The following MBNL1 variants were observed in gnomAD, a reference collection of about 807,000 sequenced individuals.
MBNL1 encodes the protein muscleblind-like protein 1.
Under a neutral mutation model 42.2 loss-of-function variants are expected in MBNL1, and 8 were observed. The ratio of observed to expected loss-of-function variants is 0.19; its 90% CI spans 0.11 to 0.34. MBNL1 has a LOEUF of 0.34. Ranked by LOEUF, MBNL1 falls within the 10% of genes least tolerant of loss-of-function variation. The probability of loss-of-function intolerance (pLI) is 1.00; values close to 1 mark genes in which losing one functional copy is unlikely to be tolerated. For synonymous variants in MBNL1, 169 were observed against 173.9 expected (o/e 0.97, Z 0.22); for missense variants, 309 against 495.3 (o/e 0.62, Z 3.57).
At chr3:152,350,507 G>A (rs115198998) in intron 2 of MBNL1, among the ~76,000 whole-genome samples, 3 of 152,120 alleles carry the variant, frequency 2.0e-5, no homozygotes, top group Admixed American at 6.6e-5. Context: ...AGCAGTGAGG[G>A]TTATTCCACT....
chr3:152,300,271 T>C lies in MBNL1; in HGVS notation c.78T>C (p.Thr26=). ...TATGTAGAGAGTTCCAGAGGGGGAC[T>C]TGCTCACGGCCAGACACGGAATGTA... ...LEVCREFQRG[T]CSRPDTECKF... Residue 26 remains threonine (T), a synonymous_variant, in exon 2 of 10, where the codon ACT becomes ACC. Transcript: ENST00000324210. The C allele has an allele frequency of 6.2e-7, 1 of 1,613,970 alleles. No individual in the cohort carries two copies. The highest frequency in any genetic ancestry group is 8.5e-7 in the Non-Finnish European group (1 of 1,179,894).
intron 2 of MBNL1, among the ~76,000 whole-genome samples, chr3:152,320,341 C>T (rs1426493585): frequency 2.0e-5 from 3 of 152,126 alleles, no homozygotes; most frequent in African/African-American, 7.2e-5. Flanking sequence ...TGCTCAGGCA[C>T]TATAATGGAC....
intron 2 of MBNL1, among the ~76,000 whole-genome samples, chr3:152,380,443 A>G (rs561740678): frequency 4.4e-4 from 67 of 152,202 alleles, no homozygotes; most frequent in South Asian, 1.2e-3. Context: ...GAAAAGGGGA[A>G]TCGACAGGGA....
At chr3:152,290,644 T>G (rs2150982064) in intron 1 of MBNL1, among the ~76,000 whole-genome samples, 1 of 152,230 alleles carries the variant, frequency 6.6e-6, no homozygotes, top group East Asian at 1.9e-4. Flanking sequence ...ATTTTAAATG[T>G]TTTAGGCAGA....
At chr3:152,290,318 A>G (rs752603499) in intron 1 of MBNL1, among the ~76,000 whole-genome samples, 6 of 151,948 alleles carry the variant, frequency 3.9e-5, no homozygotes, top group East Asian at 1.9e-4. Flanking sequence ...TTTAAATTAT[A>G]TCTGTCATTT....
intron 2 of MBNL1, among the ~76,000 whole-genome samples, chr3:152,344,926 T>C (rs531461751): frequency 6.6e-6 from 1 of 152,254 alleles, no homozygotes; most frequent in East Asian, 1.9e-4. Context: ...GCTTTTGCTT[T>C]TACTGTAAAA....
At chr3:152,363,451 T>C (rs2096136233) in intron 2 of MBNL1, among the ~76,000 whole-genome samples, 1 of 152,282 alleles carries the variant, frequency 6.6e-6, no homozygotes. Context: ...CTTCTAGCTA[T>C]TATAGAAGAG....
At chr3:152,453,052 T>C (rs1427017258) in intron 6 of MBNL1, among the ~76,000 whole-genome samples, 2 of 151,560 alleles carry the variant, frequency 1.3e-5, no homozygotes, top group Non-Finnish European at 2.9e-5. Context: ...AAATTACTTA[T>C]AATTAATAAA....
At chr3:152,455,305 G>C (rs532438813) in intron 6 of MBNL1, among the ~76,000 whole-genome samples, 59 of 152,132 alleles carry the variant, frequency 3.9e-4, no homozygotes, top group African/African-American at 1.3e-3. Context: ...ACAATTAAGA[G>C]AAACAAAGTG....
chr3:152,281,192 A>G lies in MBNL1; in HGVS notation c.-790+12100A>G, dbSNP rs188983298. On this transcript the variant is annotated intron_variant, in intron 1 of 9. Coordinates refer to ENST00000324210, the MANE Select transcript of MBNL1 (RefSeq NM_021038.5). The stretch of plus-strand genomic sequence containing the variant: ...TTGCTATCTTTCTGGCTCCCAAGTG[A>G]GAAGATTGAGGCTTGGAAAGATTAA... Among the ~76,000 whole-genome samples the G allele has an allele frequency of 1.4e-4, 22 of 152,254 alleles. 1 individual carries two copies. Among genetic ancestry groups the G allele is most frequent in the Admixed American group, 1.3e-3 (20 of 15,270 alleles).
intron 2 of MBNL1, among the ~76,000 whole-genome samples, chr3:152,246,779 G>A (rs1252840069): frequency 2.6e-5 from 4 of 151,936 alleles, no homozygotes; most frequent in South Asian, 4.2e-4. Context: ...TAGTTTGATT[G>A]TGTGAAGTGG....
intron 2 of MBNL1, among the ~76,000 whole-genome samples, chr3:152,414,322 A>AT (rs911211355): frequency 1.3e-5 from 2 of 152,190 alleles, no homozygotes; most frequent in African/African-American, 4.8e-5. Flanking sequence ...TAAAGGCCAC[A>AT]TTTTTCACCA....
chr3:152,436,041 C>T (rs1468824425), intron 4 of MBNL1, among the ~76,000 whole-genome samples: 2 of 152,142 alleles, frequency 1.3e-5, no homozygotes, highest in Admixed American at 6.5e-5. Context: ...TTATTTCCTC[C>T]TCCTGAGGAT....
chr3:152,462,289 G>T (rs1359116327), intron 9 of MBNL1, 96 bp from the exon 10 acceptor site: 1 of 152,026 alleles, frequency 6.6e-6, no homozygotes, highest in East Asian at 1.9e-4. Flanking sequence ...AAATATACTG[G>T]TTAATCAAAA....
intron 2 of MBNL1, among the ~76,000 whole-genome samples, chr3:152,393,165 A>T (rs2097788591): frequency 6.6e-6 from 1 of 152,078 alleles, no homozygotes; most frequent in Non-Finnish European, 1.5e-5. Flanking sequence ...CCTCCCTGAA[A>T]TCCCTTTTCC....
intron 2 of MBNL1, among the ~76,000 whole-genome samples, chr3:152,410,684 A>C (rs763837033): frequency 6.6e-6 from 1 of 152,246 alleles, no homozygotes; most frequent in African/African-American, 2.4e-5. Context: ...GGCTCTATAG[A>C]GTGGCCTGCT....
chr3:152,462,045 A>T (rs921554828), intron 9 of MBNL1, among the ~76,000 whole-genome samples: 17 of 152,186 alleles, frequency 1.1e-4, no homozygotes, highest in Non-Finnish European at 2.1e-4. Flanking sequence ...AACTTCAGAA[A>T]AGAAGTTTAA....
chr3:152,281,523 G>T (rs2150366416), intron 1 of MBNL1, among the ~76,000 whole-genome samples: 2 of 152,156 alleles, frequency 1.3e-5, no homozygotes, highest in South Asian at 4.2e-4. Context: ...GGCCTAATCT[G>T]CCTGTGTGGT....
chr3:152,448,922 A>G (rs1424558162), intron 6 of MBNL1, among the ~76,000 whole-genome samples: 2 of 152,204 alleles, frequency 1.3e-5, no homozygotes, highest in African/African-American at 2.4e-5. Context: ...GGATAAAATG[A>G]TATTTGTACT....
Sources: gnomAD v4.1 joint callset for allele counts (sites outside exome capture counted in the v4.1 genomes callset) on GRCh38, gnomAD v4.1.1 for gene constraint, MANE v1.5 for transcripts, NCBI Gene and HGNC (gene_info 2026-07-23, HGNC 2026-07-21) for gene names.